KCNH8: variants seen among roughly 807,000 people sequenced by gnomAD.
KCNH8 encodes the protein potassium voltage-gated channel subfamily H member 8.
A neutral mutation model predicts 103.6 loss-of-function variants in KCNH8; 70 were observed. That is an observed-to-expected ratio of 0.68 (90% CI 0.56 to 0.82). The LOEUF (loss-of-function observed/expected upper bound fraction) is 0.82. Ranked by LOEUF, KCNH8 falls within the 40% of genes least tolerant of loss-of-function variation. The pLI, the probability that KCNH8 is intolerant of heterozygous loss-of-function variation, is 0.00. For missense variants in KCNH8, 1,217 were observed against 1,329.9 expected, an observed-to-expected ratio of 0.92 and a Z score of 1.32; for synonymous variants, 498 against 489.4, an observed-to-expected ratio of 1.02 and a Z score of -0.23.
intron 5 of KCNH8, among the ~76,000 whole-genome samples, chr3:19,377,250 A>G (rs1233906463): frequency 6.6e-6 from 1 of 152,198 alleles, no homozygotes; most frequent in Non-Finnish European, 1.5e-5. Flanking sequence ...AGTTGCTGAA[A>G]CACATTTCTG....
At chr3:19,317,222 G>A (rs2125301171) in intron 3 of KCNH8, among the ~76,000 whole-genome samples, 1 of 151,970 alleles carries the variant, frequency 6.6e-6, no homozygotes, top group African/African-American at 2.4e-5. Flanking sequence ...TACCATCACT[G>A]TAACAAAATT....
chr3:19,317,836 A>G (rs376026572), intron 3 of KCNH8, among the ~76,000 whole-genome samples: 3 of 152,096 alleles, frequency 2.0e-5, no homozygotes, highest in Admixed American at 1.3e-4. Flanking sequence ...CAAAATAATA[A>G]GAGCCATATA....
At chr3:19,206,212 C>CATACAACAGTTATATATATATATATAT (rs1559422294) in intron 1 of KCNH8, among the ~76,000 whole-genome samples, 1 of 134,010 alleles carries the variant, frequency 7.5e-6, no homozygotes, top group African/African-American at 3.6e-5. Context: ...TGTATATATA[C>CATACAACAGTTATATATATATATATAT]ATACCACAGT....
At chr3:19,403,393 TA>T (rs1559311315) in intron 7 of KCNH8, among the ~76,000 whole-genome samples, 28 of 140,044 alleles carry the variant, frequency 2.0e-4, no homozygotes, top group South Asian at 1.8e-3. Context: ...TATATATATA[TA>T]TATATAAAAT....
At chr3:19,164,255 G>A (rs2063261303) in intron 1 of KCNH8, among the ~76,000 whole-genome samples, 1 of 152,108 alleles carries the variant, frequency 6.6e-6, no homozygotes, top group Admixed American at 6.6e-5. Flanking sequence ...AAGTATTTTT[G>A]TCTCAAAGCT....
intron 1 of KCNH8, among the ~76,000 whole-genome samples, chr3:19,227,665 AT>A (rs994927493): frequency 3.3e-4 from 51 of 152,314 alleles, no homozygotes; most frequent in African/African-American, 1.2e-3. Context: ...AGTAACCAGA[AT>A]TTTTGAACAT....
At chr3:19,477,978 C>A (rs758842328) in intron 11 of KCNH8, among the ~76,000 whole-genome samples, 1 of 152,080 alleles carries the variant, frequency 6.6e-6, no homozygotes. Context: ...TCCATGTATA[C>A]CCATTGTTTA....
chr3:19,342,575 A>T lies in KCNH8; in HGVS notation c.443-12A>T. The T allele has an allele frequency of 6.2e-7, 1 of 1,607,072 alleles. No homozygotes were observed. Among genetic ancestry groups the T allele is most frequent in the East Asian group, 2.2e-5 (1 of 44,612 alleles). ...CATGCATGTGTGTCTAATGAGTTTTATTTTCCCCCAGACAAAGTCAAAGGA... is the reference window on the plus strand; with the variant it reads ...CATGCATGTGTGTCTAATGAGTTTTTTTTTCCCCCAGACAAAGTCAAAGGA... On this transcript the variant is annotated splice_polypyrimidine_tract_variant and intron_variant, in intron 3 of 15. Transcript: ENST00000328405.
intron 11 of KCNH8, among the ~76,000 whole-genome samples, chr3:19,501,733 T>C (rs899640696): frequency 6.6e-6 from 1 of 152,208 alleles, no homozygotes; most frequent in Admixed American, 6.5e-5. Flanking sequence ...ACAACCTTCA[T>C]GCTAAAAACT....
rs773810275 is a variant in KCNH8 at position 19,347,781 on chromosome 3, G to A, written c.627G>A (p.Lys209=). 2 of 1,613,158 alleles carry A rather than the reference G, an allele frequency of 1.2e-6. No individual in the cohort carries two copies. Among genetic ancestry groups the A allele is most frequent in the East Asian group, 2.2e-5 (1 of 44,862 alleles). ...FPEYKVSDAK[K]SKFILLHFST... is the part of the protein sequence containing the mutation. ...AGTATAAAGTTTCTGATGCAAAAAA[G>A]TCCAAATTCATACTTCTGCATTTTA... Residue 209 remains lysine (K), a synonymous_variant, in exon 5 of 16, where the codon AAG becomes AAA. Coordinates refer to ENST00000328405, the MANE Select transcript of KCNH8 (RefSeq NM_144633.3).
chr3:19,370,969 A>G (rs1031492942), intron 5 of KCNH8, among the ~76,000 whole-genome samples: 23 of 152,078 alleles, frequency 1.5e-4, no homozygotes, highest in African/African-American at 5.1e-4. Flanking sequence ...ATAGTATTCC[A>G]TGGTGTATAT....
chr3:19,250,410 C>T (rs1039314094), intron 1 of KCNH8, among the ~76,000 whole-genome samples: 1 of 152,060 alleles, frequency 6.6e-6, no homozygotes, highest in East Asian at 1.9e-4. Flanking sequence ...TAAAATAAAA[C>T]TTGATATATG....
intron 3 of KCNH8, among the ~76,000 whole-genome samples, chr3:19,316,225 G>A (rs9865785): frequency 0.11 from 16,373 of 151,758 alleles, 1,013 homozygotes; most frequent in East Asian, 0.18. Flanking sequence ...TATTTGTTGT[G>A]GGGGACTGTC....
chr3:19,242,829 A>T (rs2064159131), intron 1 of KCNH8, among the ~76,000 whole-genome samples: 1 of 152,160 alleles, frequency 6.6e-6, no homozygotes, highest in African/African-American at 2.4e-5. Flanking sequence ...ATTCCAATAG[A>T]TGAGGTGGAT....
At chr3:19,362,104 G>A (rs13083035) in intron 5 of KCNH8, among the ~76,000 whole-genome samples, 114 of 152,024 alleles carry the variant, frequency 7.5e-4, no homozygotes, top group African/African-American at 2.7e-3. Flanking sequence ...GATAATGTAG[G>A]GGAGGAAAAT....
chr3:19,494,432 T>G (rs2068394342), intron 11 of KCNH8, among the ~76,000 whole-genome samples: 1 of 152,182 alleles, frequency 6.6e-6, no homozygotes, highest in Non-Finnish European at 1.5e-5. Context: ...TTGCCTGCTG[T>G]CATCCATATA....
At chr3:19,204,006 C>T (rs2063688728) in intron 1 of KCNH8, among the ~76,000 whole-genome samples, 1 of 151,972 alleles carries the variant, frequency 6.6e-6, no homozygotes, top group South Asian at 2.1e-4. Context: ...TTGAATAGTA[C>T]ATTTTATTGC....
At chr3:19,270,487 C>G (rs2064572721) in intron 2 of KCNH8, among the ~76,000 whole-genome samples, 2 of 152,136 alleles carry the variant, frequency 1.3e-5, no homozygotes, top group East Asian at 3.9e-4. Context: ...GAGCAGGTGT[C>G]TGGTGAGTAA....
At chr3:19,332,872 A>T (rs1202662833) in intron 3 of KCNH8, among the ~76,000 whole-genome samples, 1 of 152,096 alleles carries the variant, frequency 6.6e-6, no homozygotes, top group Non-Finnish European at 1.5e-5. Context: ...ACCTCAAGTG[A>T]TCCGCCCGCC....
Sources: allele counts gnomAD v4.1 joint callset (sites outside exome capture counted in the v4.1 genomes callset), GRCh38; gene constraint gnomAD v4.1.1; transcripts MANE v1.5; gene names NCBI Gene and HGNC (gene_info 2026-07-23, HGNC 2026-07-21).